CCNF: variants seen among roughly 807,000 people sequenced by gnomAD.
CCNF encodes the protein cyclin F.
A neutral mutation model predicts 85.4 loss-of-function variants in CCNF; 30 were observed. The observed-to-expected ratio is 0.35, with a 90% confidence interval of 0.26 to 0.48. The LOEUF is 0.48. Ranked by LOEUF, CCNF falls within the 20% of genes least tolerant of loss-of-function variation. CCNF has a pLI of 0.99. For synonymous variants in CCNF, 439 were observed against 425.1 expected (o/e 1.03, Z -0.40); for missense variants, 919 against 1,010.4 (o/e 0.91, Z 1.23).
chr16:2,439,532 T>G lies in CCNF; in HGVS notation c.699+75T>G, dbSNP rs28647184. 802,428 of 1,140,058 alleles carry G rather than the reference T, an allele frequency of 0.7. 286,328 individuals carry two copies. The highest frequency in any genetic ancestry group is 0.92 in the African/African-American group (60,798 of 65,846). The allele number at this position is 1,140,058 out of a possible 1,614,324, so 70.6% of individuals were successfully genotyped here. On this transcript the variant is annotated intron_variant, in intron 7 of 16. Coordinates refer to ENST00000397066, the MANE Select transcript of CCNF (RefSeq NM_001761.3). The stretch of plus-strand genomic sequence containing the variant: ...TAGTTGATGCTGGTCCTTGGATGCG[T>G]TTCTGTCCACAAAAGGGAGGTGGCT...
Position 2,448,838 on chromosome 16 carries a change from C to T in CCNF, c.1095-17C>T. On this transcript the variant is annotated splice_polypyrimidine_tract_variant and intron_variant, in intron 10 of 16. Coordinates refer to ENST00000397066, the MANE Select transcript of CCNF (RefSeq NM_001761.3). ...AGGAAGTGGGCTCCACCCTGAGACCCCTTCTCGGCGTTGCAGGTTTATCAG... is the reference window on the plus strand; with the variant it reads ...AGGAAGTGGGCTCCACCCTGAGACCTCTTCTCGGCGTTGCAGGTTTATCAG... 1 of 1,612,610 alleles carries T rather than the reference C, an allele frequency of 6.2e-7. No homozygotes were observed.
intron 6 of CCNF, 74 bp from the exon 7 acceptor site, chr16:2,439,279 C>T (rs2065308385): frequency 8.5e-6 from 11 of 1,297,508 alleles, no homozygotes; most frequent in Admixed American, 6.4e-5. Context: ...ACCTGGGCGA[C>T]GAGTGAAACT....
chr16:2,456,720 C>G lies in CCNF; in HGVS notation c.2061C>G (p.Val687=), dbSNP rs777593699. The G allele has an allele frequency of 3.1e-6, 5 of 1,612,502 alleles. No individual in the cohort carries two copies. The highest frequency in any genetic ancestry group is 1.7e-4 in the Middle Eastern group (1 of 6,058). Residue 687 remains valine (V), a synonymous_variant, in exon 17 of 17, where the codon GTC becomes GTG. Transcript: ENST00000397066. The surrounding 1 kb of genome is among the most constrained non-coding windows in gnomAD (Gnocchi z 4.5). ...IPATPGPKPL[V]RTSREPGKDV... ...CAACCCCTGGACCCAAACCCCTGGTCCGCACCAGCCGGGAGCCAGGGAAGG... is the reference window on the plus strand; with the variant it reads ...CAACCCCTGGACCCAAACCCCTGGTGCGCACCAGCCGGGAGCCAGGGAAGG...
At chr16:2,435,001 T>A (rs1357725272) in intron 3 of CCNF, among the ~76,000 whole-genome samples, 1 of 152,164 alleles carries the variant, frequency 6.6e-6, no homozygotes, top group Non-Finnish European at 1.5e-5. Context: ...ACGCTTGTAA[T>A]CCCAGCACTT....
chr16:2,454,858 G>A (rs896099379), intron 15 of CCNF, among the ~76,000 whole-genome samples: 7 of 152,176 alleles, frequency 4.6e-5, no homozygotes, highest in Non-Finnish European at 7.4e-5. Context: ...TTAGGAGTTC[G>A]AGACCAACCT....
chr16:2,454,552 A>AC (rs373303237), intron 15 of CCNF, among the ~76,000 whole-genome samples: 4 of 151,340 alleles, frequency 2.6e-5, no homozygotes, highest in Admixed American at 6.6e-5. Flanking sequence ...AGCTCTCTCC[A>AC]CCCCCCGCCC....
Position 2,456,535 on chromosome 16 carries a change from C to A in CCNF, c.1886-10C>A, listed in dbSNP as rs1567392346. The A allele has an allele frequency of 1.3e-6, 2 of 1,516,068 alleles. No homozygotes were observed. The highest frequency in any genetic ancestry group is 2.3e-5 in the East Asian group (1 of 44,006). 93.9% of individuals were successfully genotyped at this position (1,516,068 alleles called of 1,614,324 possible). ...TGACATGACTTCCCTCCCCACCAACCTTCCTGCAGTGACAGCTCCCAGCGG... is the reference window on the plus strand; with the variant it reads ...TGACATGACTTCCCTCCCCACCAACATTCCTGCAGTGACAGCTCCCAGCGG... On this transcript the variant is annotated splice_polypyrimidine_tract_variant and intron_variant, in intron 16 of 16. Coordinates refer to ENST00000397066, the MANE Select transcript of CCNF (RefSeq NM_001761.3). This position sits in a 1 kb window ranked among gnomAD's most constrained non-coding sequence, Gnocchi z 4.5.
chr16:2,437,900 CT>C, intron 5 of CCNF, 169 bp from the exon 6 acceptor site: 75 of 480,046 alleles, frequency 1.6e-4, no homozygotes, highest in East Asian at 2.4e-4. Context: ...CCCTGTTTCC[CT>C]TTAAAAAAAA....
Position 2,443,788 on chromosome 16 carries a change from A to G in CCNF, c.917A>G (p.Asn306Ser), listed in dbSNP as rs373734213. ...QQVFSVQKGL[N>S]DTMRYILIDW... ...GTCTTCTCCGTGCAGAAGGGACTCA[A>G]TGACACAATGAGGTGAGGCATTCAG... Residue 306 changes from asparagine to serine, a missense_variant, in exon 9 of 17, where the codon AAT (asparagine) becomes AGT (serine). Asn to Ser is a conservative substitution (Grantham distance 46, BLOSUM62 1). Transcript: ENST00000397066. 9 of 1,613,982 alleles carry G rather than the reference A, an allele frequency of 5.6e-6. No individual in the cohort carries two copies. In the African/African-American group the frequency reaches 6.7e-5, roughly 12 times the overall value.
intron 8 of CCNF, among the ~76,000 whole-genome samples, chr16:2,442,403 A>G (rs1567385870): frequency 2.1e-5 from 2 of 95,956 alleles, no homozygotes; most frequent in Non-Finnish European, 3.8e-5. Flanking sequence ...GCTATTTATA[A>G]TATATAATAT....
rs982133911 is a variant in CCNF at position 2,453,939 on chromosome 16, C to T, written c.1715+402C>T. 1.3e-5 allele frequency among the ~76,000 whole-genome samples: 2 copies of T among 152,210 alleles called. No individual in the cohort carries two copies. Among genetic ancestry groups the T allele is most frequent in the African/African-American group, 2.4e-5 (1 of 41,454 alleles). On this transcript the variant is annotated intron_variant, in intron 15 of 16. Transcript: ENST00000397066. This position sits in a 1 kb window ranked among gnomAD's most constrained non-coding sequence, Gnocchi z 5.6. ...CACATCCCCAGCACTTCCCTCGCCACCCGTGTGGACCTGTTTACCCGCCTC... is the reference window on the plus strand; with the variant it reads ...CACATCCCCAGCACTTCCCTCGCCATCCGTGTGGACCTGTTTACCCGCCTC...
In CCNF at chr16:2,452,854, TGTG is replaced by T. The variant is rs1220298099; in HGVS notation, c.1488-352_1488-350del. 3 of 296,742 alleles carry T rather than the reference TGTG, an allele frequency of 1.0e-5. No homozygotes were observed. Among genetic ancestry groups the T allele is most frequent in the South Asian group, 7.5e-5 (2 of 26,542 alleles). 18.4% of individuals were successfully genotyped at this position (296,742 alleles called of 1,614,324 possible). ...CGGTAACGTTTGCTGGGTTTGTCCA[TGTG>T]GTGTGTGTCCCTGCTTTGTTCTTTT... On this transcript the variant is annotated intron_variant, in intron 13 of 16. Transcript: ENST00000397066. The surrounding 1 kb of genome is among the most constrained non-coding windows in gnomAD (Gnocchi z 4.1).
At chr16:2,441,447 C>G (rs2065320663) in intron 8 of CCNF, among the ~76,000 whole-genome samples, 1 of 151,972 alleles carries the variant, frequency 6.6e-6, no homozygotes. Context: ...CGTGGAAGTT[C>G]AAGGGGCCTC....
rs762281333 is a variant in CCNF, at chr16:2,456,685, C to T, written c.2026C>T (p.Gln676Ter). 6.2e-7 allele frequency: 1 copy of T among 1,613,550 alleles called. No individual in the cohort carries two copies. The highest frequency in any genetic ancestry group is 2.2e-5 in the East Asian group (1 of 44,886). The change falls in exon 17 of 17, where the codon CAG becomes TAG. Residue 676 changes from glutamine (Q) to a stop codon, truncating the protein, a stop_gained. Transcript: ENST00000397066. LOFTEE classifies it low-confidence loss of function (END_TRUNC). The surrounding 1 kb of genome is among the most constrained non-coding windows in gnomAD (Gnocchi z 4.5). ...QDPQALALDT[Q>*]IPATPGPKPL... ...CCCACAGGCACTGGCGCTGGACACC[C>T]AGATCCCTGCAACCCCTGGACCCAA...
intron 10 of CCNF, among the ~76,000 whole-genome samples, chr16:2,448,260 C>A (rs1163559593): frequency 6.6e-6 from 1 of 152,208 alleles, no homozygotes; most frequent in Non-Finnish European, 1.5e-5. Context: ...AATCTCTGTC[C>A]TTGGTGTCTT....
intron 1 of CCNF, among the ~76,000 whole-genome samples, chr16:2,430,456 C>G (rs2065256827): frequency 6.6e-6 from 1 of 151,982 alleles, no homozygotes; most frequent in Admixed American, 6.6e-5. Flanking sequence ...GTGGAATGCC[C>G]GTCTCACCTT....
Position 2,445,581 on chromosome 16 carries a change from G to C in CCNF, c.1053G>C (p.Arg351Ser). The change falls in exon 10 of 17, where the codon AGG becomes AGC. Residue 351 changes from arginine to serine, a missense_variant. By Grantham distance (110) the Arg-to-Ser change is moderately radical. Around this residue, in one of 3 missense-constraint regions of CCNF, gnomAD observed 410 missense variants for 478.6 expected, o/e 0.86. Transcript: ENST00000397066. ...GGAGGAGGCTGGTGCCGCGGTACAG[G>C]CTCCAGCTGCTGGGCATCGCCTGCA... ...YLRRRLVPRYRLQLLGIACMV... is the reference protein window; with the variant it reads ...YLRRRLVPRYSLQLLGIACMV... 1 of 1,613,626 alleles carries C rather than the reference G, an allele frequency of 6.2e-7. No individual in the cohort carries two copies.
chr16:2,435,947 C>T, intron 4 of CCNF, 74 bp downstream of exon 4: 1 of 1,083,438 alleles, frequency 9.2e-7, no homozygotes, highest in Non-Finnish European at 1.4e-6. Context: ...GAAGTGGTCC[C>T]CGTGTTAGCA....
chr16:2,456,923 C>A lies in CCNF; in HGVS notation c.2264C>A (p.Pro755His). 1.2e-6 allele frequency: 2 copies of A among 1,614,142 alleles called. No individual in the cohort carries two copies. The highest frequency in any genetic ancestry group is 1.7e-6 in the Non-Finnish European group (2 of 1,180,024). The change falls in exon 17 of 17, where the codon CCC (proline) becomes CAC (histidine). Residue 755 changes from proline to histidine, a missense_variant. Transcript: ENST00000397066. This position sits in a 1 kb window ranked among gnomAD's most constrained non-coding sequence, Gnocchi z 4.5. ...KSCLQCRPPS[P>H]PESSVPQQQV... ...TGTTTACAGTGTCGTCCCCCAAGTCCCCCGGAGAGCAGTGTTCCCCAGCAA... is the reference window on the plus strand; with the variant it reads ...TGTTTACAGTGTCGTCCCCCAAGTCACCCGGAGAGCAGTGTTCCCCAGCAA...
Sources: gnomAD v4.1 joint callset for allele counts (sites outside exome capture counted in the v4.1 genomes callset) on GRCh38, gnomAD v4.1.1 for gene constraint, gnomAD v4.1.1 regional missense constraint, Gnocchi (gnomAD v3.1) non-coding constraint, MANE v1.5 for transcripts, NCBI Gene and HGNC (gene_info 2026-07-23, HGNC 2026-07-21) for gene names.